Variants in SGCZ observed in about 807,000 individuals in gnomAD.
SGCZ encodes zeta-sarcoglycan.
SGCZ carries 40 observed loss-of-function variants against 41.3 expected under a neutral mutation model. That is an observed-to-expected ratio of 0.97 (90% CI 0.75 to 1.26). SGCZ has a LOEUF of 1.26. Among genes scored for constraint, SGCZ ranks in the 50% most tolerant of loss-of-function variants. The probability of loss-of-function intolerance (pLI) is 0.00; values close to 1 mark genes in which losing one functional copy is unlikely to be tolerated. For missense variants in SGCZ, 552 were observed against 369.8 expected (o/e 1.49, Z -4.04); for synonymous variants, 206 against 137.5 (o/e 1.50, Z -3.49).
chr8:14,812,870 C>T (rs547708503), intron 1 of SGCZ, among the ~76,000 whole-genome samples: 2 of 152,238 alleles, frequency 1.3e-5, no homozygotes, highest in African/African-American at 4.8e-5. Context: ...ATTTTGCAAA[C>T]CTTCTGACAC....
chr8:14,237,489 A>ACAT (rs1806805236), intron 4 of SGCZ, 103 bp downstream of exon 4: 13 of 1,087,308 alleles, frequency 1.2e-5, no homozygotes, highest in Non-Finnish European at 1.5e-5. Context: ...TCTCAAAACA[A>ACAT]CAACAACAAC....
At chr8:15,083,537 G>A (rs1028325457) in intron 1 of SGCZ, among the ~76,000 whole-genome samples, 1 of 151,942 alleles carries the variant, frequency 6.6e-6, no homozygotes, top group African/African-American at 2.4e-5. Flanking sequence ...TTCTATATAT[G>A]AGAAATTAAT....
At chr8:15,225,626 C>T (rs932649485) in intron 1 of SGCZ, among the ~76,000 whole-genome samples, 2 of 152,018 alleles carry the variant, frequency 1.3e-5, no homozygotes, top group Admixed American at 6.6e-5. Context: ...TGGATTATAA[C>T]GTAAGCAATG....
At chr8:14,290,027 A>C (rs1800786475) in intron 3 of SGCZ, among the ~76,000 whole-genome samples, 1 of 151,974 alleles carries the variant, frequency 6.6e-6, no homozygotes, top group Non-Finnish European at 1.5e-5. Flanking sequence ...TATCACGAGA[A>C]CAGCATGGAG....
intron 1 of SGCZ, among the ~76,000 whole-genome samples, chr8:14,909,457 T>G (rs967846160): frequency 6.6e-6 from 1 of 152,182 alleles, no homozygotes; most frequent in Non-Finnish European, 1.5e-5. Flanking sequence ...AAATTTTGTT[T>G]CTTTTTCTTT....
chr8:15,043,360 C>T (rs1472972122), intron 1 of SGCZ, among the ~76,000 whole-genome samples: 5 of 152,042 alleles, frequency 3.3e-5, no homozygotes, highest in African/African-American at 4.8e-5. Context: ...TAATCTCATT[C>T]TTAGTTGAAT....
intron 1 of SGCZ, among the ~76,000 whole-genome samples, chr8:15,206,922 A>G (rs571647047): frequency 6.6e-6 from 1 of 152,202 alleles, no homozygotes; most frequent in East Asian, 1.9e-4. Context: ...ATGAATTAAA[A>G]ATTTGCTGTA....
intron 1 of SGCZ, among the ~76,000 whole-genome samples, chr8:14,709,138 G>T (rs1389157002): frequency 6.6e-6 from 1 of 152,222 alleles, no homozygotes; most frequent in African/African-American, 2.4e-5. Flanking sequence ...TAGAAGAAAA[G>T]TATTTTGTCA....
chr8:14,662,828 G>C (rs1807798434), intron 1 of SGCZ, among the ~76,000 whole-genome samples: 1 of 152,156 alleles, frequency 6.6e-6, no homozygotes, highest in Admixed American at 6.6e-5. Context: ...GGGTCTGAGA[G>C]ATGCAACAGG....
chr8:14,303,682 G>A (rs371780787), intron 3 of SGCZ, among the ~76,000 whole-genome samples: 2 of 152,068 alleles, frequency 1.3e-5, no homozygotes, highest in East Asian at 1.9e-4. Flanking sequence ...TTGGTTTTTA[G>A]TGAAAATATT....
chr8:14,494,447 T>C (rs1027182340), intron 2 of SGCZ, among the ~76,000 whole-genome samples: 2 of 152,202 alleles, frequency 1.3e-5, no homozygotes, highest in African/African-American at 4.8e-5. Context: ...TTTCACTCCC[T>C]AATTTTAAAA....
intron 2 of SGCZ, among the ~76,000 whole-genome samples, chr8:14,499,240 A>C (rs56038915): frequency 0.019 from 2,910 of 152,110 alleles, 62 homozygotes; most frequent in African/African-American, 0.047. Flanking sequence ...GTTCTACTTC[A>C]TATTTGTGAA....
At position 14,551,565 on chromosome 8, in the gene SGCZ, ATATAATAT is replaced by A. The variant is rs1803853053; in HGVS notation, c.234+3159_234+3166del. On this transcript the variant is annotated intron_variant, in intron 2 of 7. Coordinates refer to ENST00000382080, the MANE Select transcript of SGCZ (RefSeq NM_139167.4). ...ATAATATATATAATATATATTATAT[ATATAATAT>A]ATATATAATATATATAATATATATT... Among the ~76,000 whole-genome samples the A allele has an allele frequency of 7.9e-4, 21 of 26,638 alleles. 2 individuals carry two copies. Among genetic ancestry groups the A allele is most frequent in the Non-Finnish European group, 1.1e-3 (21 of 18,268 alleles). 17.5% of individuals were successfully genotyped at this position (26,638 alleles called of 152,430 possible).
At chr8:14,566,522 A>C (rs1158923481) in intron 1 of SGCZ, among the ~76,000 whole-genome samples, 1 of 152,232 alleles carries the variant, frequency 6.6e-6, no homozygotes, top group East Asian at 1.9e-4. Context: ...AGCTTTACTC[A>C]TCATTACTTA....
At chr8:14,109,870 C>A (rs1802320710) in intron 5 of SGCZ, among the ~76,000 whole-genome samples, 2 of 151,982 alleles carry the variant, frequency 1.3e-5, no homozygotes, top group Admixed American at 6.6e-5. Context: ...TGCAGTAAAT[C>A]CCTAAGATTA....
intron 2 of SGCZ, among the ~76,000 whole-genome samples, chr8:14,379,895 C>T (rs556622499): frequency 6.6e-6 from 1 of 152,136 alleles, no homozygotes; most frequent in South Asian, 2.1e-4. Context: ...CCACGCCCGC[C>T]TACTTTTTGT....
At chr8:15,002,512 C>T (rs1421855815) in intron 1 of SGCZ, among the ~76,000 whole-genome samples, 2 of 151,922 alleles carry the variant, frequency 1.3e-5, no homozygotes, top group Admixed American at 6.6e-5. Flanking sequence ...AAATAGGAAC[C>T]CAGCAGCCTC....
intron 3 of SGCZ, among the ~76,000 whole-genome samples, chr8:14,307,223 TTTC>T (rs1314646772): frequency 2.6e-5 from 4 of 152,284 alleles, no homozygotes; most frequent in Admixed American, 2.6e-4. Context: ...CCTTCCTTAT[TTTC>T]CAGTCATTCA....
At chr8:14,574,098 A>G (rs1804638436) in intron 1 of SGCZ, among the ~76,000 whole-genome samples, 1 of 152,154 alleles carries the variant, frequency 6.6e-6, no homozygotes, top group Admixed American at 6.5e-5. Flanking sequence ...GAATGTGATC[A>G]AGGGACTGAT....
Sources: allele counts gnomAD v4.1 joint callset (sites outside exome capture counted in the v4.1 genomes callset), GRCh38; gene constraint gnomAD v4.1.1; transcripts MANE v1.5; gene names NCBI Gene and HGNC (gene_info 2026-07-23, HGNC 2026-07-21).